The following FRMD6 variants were observed in gnomAD, a reference collection of about 807,000 sequenced individuals.
FRMD6 encodes the protein FERM domain-containing protein 6.
In FRMD6, 37 loss-of-function variants were observed where a neutral mutation model predicts 73.2. The ratio of observed to expected loss-of-function variants is 0.51; its 90% CI spans 0.39 to 0.66. The LOEUF (loss-of-function observed/expected upper bound fraction) is 0.66. Ranked by LOEUF, FRMD6 falls within the 30% of genes least tolerant of loss-of-function variation. The pLI, the probability that FRMD6 is intolerant of heterozygous loss-of-function variation, is 0.00. For missense variants in FRMD6, 714 were observed against 780.5 expected (o/e 0.91, Z 1.02); for synonymous variants, 273 against 282.2 (o/e 0.97, Z 0.33).
intron 1 of FRMD6, among the ~76,000 whole-genome samples, chr14:51,497,280 T>G (rs1883358808): frequency 6.6e-6 from 1 of 151,560 alleles, no homozygotes; most frequent in Non-Finnish European, 1.5e-5. Flanking sequence ...TTCAGCCAAG[T>G]ATCTCTCTCA....
At chr14:51,719,704 A>G (rs998386721) in intron 10 of FRMD6, among the ~76,000 whole-genome samples, 3 of 152,228 alleles carry the variant, frequency 2.0e-5, no homozygotes, top group Non-Finnish European at 2.9e-5. Flanking sequence ...GCAATGTCAC[A>G]TAGCTCTGGA....
At chr14:51,429,076 A>C in the FRMD6 span, among the ~76,000 whole-genome samples, 1 of 152,138 alleles carries the variant, frequency 6.6e-6, no homozygotes, top group African/African-American at 2.4e-5. Context: ...AGAAAAGAGA[A>C]GAGAACAGGT....
chr14:51,421,539 A>G, the FRMD6 span, among the ~76,000 whole-genome samples: 6 of 152,360 alleles, frequency 3.9e-5, no homozygotes, highest in African/African-American at 7.2e-5. Context: ...GGTTCTGGAT[A>G]TAAGGAACTT....
chr14:51,648,557 C>T (rs771706110), upstream of FRMD6, among the ~76,000 whole-genome samples: 5 of 152,240 alleles, frequency 3.3e-5, no homozygotes, highest in South Asian at 2.1e-4. Flanking sequence ...ACTGTCTCAA[C>T]CAACTTGTTC....
At chr14:51,693,354 G>A (rs74328231) in intron 2 of FRMD6, among the ~76,000 whole-genome samples, 1,846 of 152,234 alleles carry the variant, frequency 0.012, 48 homozygotes, top group African/African-American at 0.042. Context: ...CTCTTTTACA[G>A]TGTTAGTATG....
rs1213623911 is a variant in FRMD6, at chr14:51,503,864, T to TG, written c.-210+14453dup. Reference sequence around the variant, plus strand: ...ATCTGTTTGGTTTTGGGTTTTTTTTTGGGGGGGGGTTTGATAAGCTATTTA... The same window carrying TG: ...ATCTGTTTGGTTTTGGGTTTTTTTTTGGGGGGGGGGTTTGATAAGCTATTTA... On this transcript the variant is annotated intron_variant, in intron 1 of 14. Transcript: ENST00000356218. Among the ~76,000 whole-genome samples, 779 of 131,452 alleles carry TG rather than the reference T, an allele frequency of 5.9e-3. 4 individuals carry two copies. The highest frequency in any genetic ancestry group is 0.016 in the African/African-American group (577 of 34,998). The allele number at this position is 131,452 out of a possible 152,430, so 86.2% of individuals were successfully genotyped here.
At chr14:51,414,181 G>C in the FRMD6 span, among the ~76,000 whole-genome samples, 3 of 152,126 alleles carry the variant, frequency 2.0e-5, no homozygotes, top group South Asian at 4.1e-4. Context: ...GTCTATTTTG[G>C]CTTTTGTTGC....
At chr14:51,411,434 G>A in the FRMD6 span, among the ~76,000 whole-genome samples, 3 of 152,280 alleles carry the variant, frequency 2.0e-5, no homozygotes, top group East Asian at 5.8e-4. Flanking sequence ...CGGTGGAGGG[G>A]AGCTGAGTCA....
chr14:51,608,079 C>T (rs766466313), intron 2 of FRMD6, among the ~76,000 whole-genome samples: 10 of 152,226 alleles, frequency 6.6e-5, no homozygotes, highest in African/African-American at 1.2e-4. Context: ...TACTCTCTCC[C>T]ACACAGCTTT....
intron 1 of FRMD6, among the ~76,000 whole-genome samples, chr14:51,553,363 C>G (rs1300850711): frequency 6.6e-6 from 1 of 152,198 alleles, no homozygotes; most frequent in Non-Finnish European, 1.5e-5. Flanking sequence ...CAGAGTACAT[C>G]AAAACACAAG....
At chr14:51,557,540 C>A (rs1353733184) in intron 1 of FRMD6, among the ~76,000 whole-genome samples, 1 of 152,008 alleles carries the variant, frequency 6.6e-6, no homozygotes, top group East Asian at 1.9e-4. Flanking sequence ...GGAAAATGTT[C>A]TTCAAATGAT....
chr14:51,446,847 G>T, the FRMD6 span, among the ~76,000 whole-genome samples: 1 of 152,166 alleles, frequency 6.6e-6, no homozygotes, highest in African/African-American at 2.4e-5. Context: ...CCTTGGAGAA[G>T]ACAGACATAG....
the FRMD6 span, among the ~76,000 whole-genome samples, chr14:51,433,335 T>A: frequency 6.6e-6 from 1 of 152,228 alleles, no homozygotes; most frequent in Non-Finnish European, 1.5e-5. Context: ...ATGGTTCATT[T>A]ATACATGGAG....
the FRMD6 span, among the ~76,000 whole-genome samples, chr14:51,427,554 T>G: frequency 6.6e-6 from 1 of 152,240 alleles, no homozygotes; most frequent in Admixed American, 6.5e-5. Context: ...ATTTTACTTA[T>G]GCAAACATTG....
chr14:51,501,930 G>A (rs1280172633), intron 1 of FRMD6, among the ~76,000 whole-genome samples: 9 of 152,162 alleles, frequency 5.9e-5, no homozygotes. Context: ...ACTGGCATGA[G>A]ATGGTATTTC....
At chr14:51,612,207 G>A (rs10132246) in intron 2 of FRMD6, among the ~76,000 whole-genome samples, 87,878 of 151,934 alleles carry the variant, frequency 0.58, 26,372 homozygotes, top group African/African-American at 0.75. Flanking sequence ...TCCTTATTTT[G>A]TATTAACAAC....
At chr14:51,425,798 C>G in the FRMD6 span, among the ~76,000 whole-genome samples, 1 of 152,176 alleles carries the variant, frequency 6.6e-6, no homozygotes, top group Admixed American at 6.5e-5. Context: ...TCCATCATGA[C>G]ACTTCCAACT....
rs568873128 is a variant in FRMD6 at position 51,507,471 on chromosome 14, G to A, written c.-210+18051G>A. On this transcript the variant is annotated intron_variant, in intron 1 of 14. Transcript: ENST00000356218. ...GGAGGATATCTGGAAGACACTAGGA[G>A]CTAAATTAGGTAGAGACCCTGAATA... 5.3e-5 allele frequency among the ~76,000 whole-genome samples: 8 copies of A among 152,280 alleles called. No individual in the cohort carries two copies. The East Asian group carries it at 1.5e-3, about 29-fold the overall frequency.
At chr14:51,411,903 A>G in the FRMD6 span, among the ~76,000 whole-genome samples, 1 of 152,202 alleles carries the variant, frequency 6.6e-6, no homozygotes, top group African/African-American at 2.4e-5. Context: ...TACACATGCT[A>G]AAAGGAAAGC....
Sources: allele counts gnomAD v4.1 joint callset (sites outside exome capture counted in the v4.1 genomes callset), GRCh38; gene constraint gnomAD v4.1.1; transcripts MANE v1.5; gene names NCBI Gene and HGNC (gene_info 2026-07-23, HGNC 2026-07-21).